The following RBFOX1 variants were observed in gnomAD, a reference collection of about 807,000 sequenced individuals.
RBFOX1 encodes RNA binding fox-1 homolog 1.
Under a neutral mutation model 57.7 loss-of-function variants are expected in RBFOX1, and 8 were observed. The observed-to-expected ratio is 0.14, with a 90% confidence interval of 0.08 to 0.25. The LOEUF (loss-of-function observed/expected upper bound fraction) is 0.25. Ranked by LOEUF, RBFOX1 falls within the 10% of genes least tolerant of loss-of-function variation. The pLI, the probability that RBFOX1 is intolerant of heterozygous loss-of-function variation, is 1.00. For missense variants in RBFOX1, 611 were observed against 548.5 expected, an observed-to-expected ratio of 1.11 and a Z score of -1.14; for synonymous variants, 326 against 222.4, an observed-to-expected ratio of 1.47 and a Z score of -4.15.
At chr16:5,291,454 G>T (rs1227334532) in intron 1 of RBFOX1, among the ~76,000 whole-genome samples, 1 of 152,030 alleles carries the variant, frequency 6.6e-6, no homozygotes, top group Non-Finnish European at 1.5e-5. Context: ...TAGTGGAGAC[G>T]GGGTTTCACC....
intron 4 of RBFOX1, among the ~76,000 whole-genome samples, chr16:7,074,383 A>C (rs2057924165): frequency 6.6e-6 from 1 of 152,240 alleles, no homozygotes; most frequent in Admixed American, 6.5e-5. Context: ...AATGATAATA[A>C]TTAAAATAAT....
At chr16:5,983,571 C>T (rs1033635797) in intron 4 of RBFOX1, among the ~76,000 whole-genome samples, 1 of 152,150 alleles carries the variant, frequency 6.6e-6, no homozygotes, top group African/African-American at 2.4e-5. Flanking sequence ...AACGCTAGCA[C>T]CCTGGGCAGG....
intron 3 of RBFOX1, among the ~76,000 whole-genome samples, chr16:5,716,132 T>C (rs1225506736): frequency 6.6e-6 from 1 of 152,244 alleles, no homozygotes. Context: ...TGTTTTTTCA[T>C]TTAAATTTCA....
At chr16:5,539,449 G>A (rs979173430) in intron 2 of RBFOX1, among the ~76,000 whole-genome samples, 4 of 146,070 alleles carry the variant, frequency 2.7e-5, no homozygotes, top group Non-Finnish European at 4.5e-5. Context: ...AAAATTAGCC[G>A]GGTGTAGTGG....
intron 4 of RBFOX1, among the ~76,000 whole-genome samples, chr16:7,283,941 A>G (rs2095598855): frequency 6.6e-6 from 1 of 152,220 alleles, no homozygotes; most frequent in South Asian, 2.1e-4. Context: ...GCCTAGTTAT[A>G]GTTAGTCCCC....
chr16:6,334,681 C>A (rs1407094324), intron 2 of RBFOX1, among the ~76,000 whole-genome samples: 1 of 152,112 alleles, frequency 6.6e-6, no homozygotes, highest in Admixed American at 6.5e-5. Context: ...AAGTAGATTT[C>A]TTCTTGCTTG....
chr16:6,506,624 A>ATTTTTTTTTT (rs71145238), intron 2 of RBFOX1, among the ~76,000 whole-genome samples: 14 of 98,458 alleles, frequency 1.4e-4, no homozygotes, highest in African/African-American at 5.2e-4. Context: ...ACAGTAGCTA[A>ATTTTTTTTTT]TTTTTTTTTT....
At chr16:6,479,829 C>T (rs2095343225) in intron 2 of RBFOX1, among the ~76,000 whole-genome samples, 1 of 152,026 alleles carries the variant, frequency 6.6e-6, no homozygotes, top group South Asian at 2.1e-4. Flanking sequence ...GCAGGCAGAT[C>T]ATTTGAGGTC....
chr16:5,272,544 G>A (rs868568649), intron 1 of RBFOX1, among the ~76,000 whole-genome samples: 4 of 152,130 alleles, frequency 2.6e-5, no homozygotes, highest in East Asian at 1.9e-4. Flanking sequence ...CTCCAGGGCC[G>A]ACAAGTTCAT....
At chr16:6,200,886 TG>T (rs934337869) in intron 1 of RBFOX1, among the ~76,000 whole-genome samples, 3 of 152,084 alleles carry the variant, frequency 2.0e-5, no homozygotes, top group African/African-American at 7.2e-5. Context: ...TGTGTGTATT[TG>T]TGTATTTTTA....
intron 2 of RBFOX1, among the ~76,000 whole-genome samples, chr16:6,606,528 T>C (rs1021431538): frequency 1.2e-4 from 18 of 152,066 alleles, no homozygotes; most frequent in Non-Finnish European, 2.2e-4. Context: ...CTCCTTCCCC[T>C]CTACGAGGCC....
intron 4 of RBFOX1, among the ~76,000 whole-genome samples, chr16:7,427,404 G>A (rs1598187845): frequency 6.6e-6 from 1 of 152,114 alleles, no homozygotes; most frequent in African/African-American, 2.4e-5. Context: ...GAGAGCCCCT[G>A]CTGAAGTTGG....
intron 4 of RBFOX1, among the ~76,000 whole-genome samples, chr16:7,389,117 T>G (rs908627047): frequency 1.3e-5 from 2 of 152,096 alleles, no homozygotes; most frequent in African/African-American, 4.8e-5. Context: ...ATTTCTTTGT[T>G]CCTTTTTATT....
intron 2 of RBFOX1, among the ~76,000 whole-genome samples, chr16:5,516,432 G>C (rs2043794865): frequency 6.6e-6 from 1 of 151,958 alleles, no homozygotes; most frequent in South Asian, 2.1e-4. Context: ...CCTTGTTGTT[G>C]ATCTTGCATA....
At chr16:6,132,675 CT>C (rs2096637919) in intron 1 of RBFOX1, among the ~76,000 whole-genome samples, 1 of 152,116 alleles carries the variant, frequency 6.6e-6, no homozygotes, top group African/African-American at 2.4e-5. Flanking sequence ...GGAAAAGTGA[CT>C]GTATATTTGG....
At chr16:7,592,525 G>T (rs1435782891) in intron 7 of RBFOX1, among the ~76,000 whole-genome samples, 1 of 152,096 alleles carries the variant, frequency 6.6e-6, no homozygotes, top group Non-Finnish European at 1.5e-5. Flanking sequence ...AGTTCCAAAG[G>T]GCAGAAATGA....
chr16:5,292,771 G>A (rs1242286210), intron 1 of RBFOX1, among the ~76,000 whole-genome samples: 2 of 152,006 alleles, frequency 1.3e-5, no homozygotes, highest in African/African-American at 2.4e-5. Flanking sequence ...TTACAGGCAT[G>A]TGTCACCACG....
At chr16:6,714,869 GAA>G (rs200645814) in intron 3 of RBFOX1, among the ~76,000 whole-genome samples, 1,583 of 152,188 alleles carry the variant, frequency 0.01, 29 homozygotes, top group African/African-American at 0.035. Context: ...TTGGGAGGCA[GAA>G]AAAAGTCTCT....
chr16:6,682,969 C>T (rs971588062), intron 3 of RBFOX1, among the ~76,000 whole-genome samples: 7 of 151,254 alleles, frequency 4.6e-5, no homozygotes, highest in Non-Finnish European at 1.0e-4. Context: ...TAGGGGTTGA[C>T]AAGCTGCAGT....
Sources: gnomAD v4.1 joint callset for allele counts (sites outside exome capture counted in the v4.1 genomes callset) on GRCh38, gnomAD v4.1.1 for gene constraint, MANE v1.5 for transcripts, NCBI Gene and HGNC (gene_info 2026-07-23, HGNC 2026-07-21) for gene names.